Variants in IGF1 observed in about 807,000 individuals in gnomAD.
IGF1 encodes the protein insulin like growth factor 1, also known as insulin-like growth factor 1.
In IGF1, 4 loss-of-function variants were observed where a neutral mutation model predicts 13.8. That is an observed-to-expected ratio of 0.29 (90% CI 0.14 to 0.66). The LOEUF (loss-of-function observed/expected upper bound fraction) is 0.66. IGF1 is among the 30% of genes least tolerant of loss of function. The pLI is 0.78. For missense variants in IGF1, 124 were observed against 188.5 expected (o/e 0.66, Z 2.00); for synonymous variants, 76 against 72.6 (o/e 1.05, Z -0.23).
intron 2 of IGF1, among the ~76,000 whole-genome samples, chr12:102,450,735 A>G (rs1878848635): frequency 6.6e-6 from 1 of 152,236 alleles, no homozygotes; most frequent in African/African-American, 2.4e-5. Flanking sequence ...CTGTTTGTCA[A>G]TACAATAATA....
At chr12:102,434,332 A>G in intron 2 of IGF1, among the ~76,000 whole-genome samples, 1 of 131,130 alleles carries the variant, frequency 7.6e-6, no homozygotes. Context: ...CCAGAGTGTG[A>G]TGTTCCCCTT....
chr12:102,420,171 A>G (rs1875575271), intron 2 of IGF1, among the ~76,000 whole-genome samples: 1 of 152,192 alleles, frequency 6.6e-6, no homozygotes, highest in Admixed American at 6.5e-5. Context: ...AAGTTTGGAA[A>G]GGGCTCCTCA....
chr12:102,478,650 G>T, intron 1 of IGF1: 1 of 1,402,056 alleles, frequency 7.1e-7, no homozygotes, highest in South Asian at 1.9e-5. Context: ...AGGCAGGTAT[G>T]CTATTATGAG....
Position 102,441,918 on chromosome 12 carries a change from T to G in IGF1, c.221-22228A>C, listed in dbSNP as rs12809983. On this transcript the variant is annotated intron_variant, in intron 2 of 3. Coordinates refer to ENST00000337514, the MANE Select transcript of IGF1 (RefSeq NM_000618.5). ...ATTCTATTACACTGCTTCTTCTCCT[T>G]CTTCTTCTTCTTCTTCTTCTTCTTC... Among the ~76,000 whole-genome samples the G allele has an allele frequency of 3.9e-3, 322 of 83,002 alleles. 11 individuals carry two copies. The highest frequency in any genetic ancestry group is 9.0e-3 in the African/African-American group (188 of 20,996). The allele number at this position is 83,002 out of a possible 152,430, so 54.5% of individuals were successfully genotyped here. A position where few individuals can be genotyped will look rare whatever the true frequency, so the allele number is the denominator to read the frequency against.
chr12:102,405,458 C>A (rs5742694), intron 3 of IGF1, among the ~76,000 whole-genome samples: 116,300 of 151,746 alleles, frequency 0.77, 44,629 homozygotes, highest in Admixed American at 0.83. Context: ...GAATAGCATC[C>A]CTAATGTTCC....
intron 2 of IGF1, among the ~76,000 whole-genome samples, chr12:102,450,530 A>G (rs1228512816): frequency 6.6e-6 from 1 of 152,236 alleles, no homozygotes; most frequent in Non-Finnish European, 1.5e-5. Context: ...CTGCATTTCC[A>G]GATTTTTCAA....
At chr12:102,405,856 G>A (rs1874109646) in intron 3 of IGF1, among the ~76,000 whole-genome samples, 1 of 152,178 alleles carries the variant, frequency 6.6e-6, no homozygotes, top group Non-Finnish European at 1.5e-5. Context: ...TTAGCGGGGG[G>A]CTATAGCAAA....
intron 2 of IGF1, among the ~76,000 whole-genome samples, chr12:102,447,361 A>T (rs534995335): frequency 9.9e-5 from 15 of 152,272 alleles, no homozygotes; most frequent in African/African-American, 3.6e-4. Flanking sequence ...TGGGACTCTA[A>T]GTCTCTTTGT....
chr12:102,441,915 C>CTTCTTCTTCTTCTTCTTCTTCTTTT (rs1555244052), intron 2 of IGF1, among the ~76,000 whole-genome samples: 1 of 122,140 alleles, frequency 8.2e-6, no homozygotes, highest in Non-Finnish European at 1.7e-5. Context: ...TGCTTCTTCT[C>CTTCTTCTTCTTCTTCTTCTTCTTTT]CTTCTTCTTC....
intron 3 of IGF1, among the ~76,000 whole-genome samples, chr12:102,409,658 GTCTA>G (rs1175580772): frequency 1.3e-5 from 2 of 152,126 alleles, no homozygotes; most frequent in Non-Finnish European, 2.9e-5. Flanking sequence ...GCACACTGTG[GTCTA>G]TCTATCTCGG....
chr12:102,479,204 A>G (rs1444815051), intron 1 of IGF1, among the ~76,000 whole-genome samples: 2 of 152,228 alleles, frequency 1.3e-5, no homozygotes, highest in Non-Finnish European at 2.9e-5. Context: ...TTGGCATCTC[A>G]GGAACAGCAG....
At chr12:102,443,098 C>T (rs778552652) in intron 2 of IGF1, among the ~76,000 whole-genome samples, 13 of 151,858 alleles carry the variant, frequency 8.6e-5, no homozygotes, top group Non-Finnish European at 1.9e-4. Context: ...AGTGGTAGAA[C>T]GTAAGGAGCT....
At chr12:102,454,774 G>C (rs1879253444) in intron 2 of IGF1, among the ~76,000 whole-genome samples, 1 of 152,330 alleles carries the variant, frequency 6.6e-6, no homozygotes, top group South Asian at 2.1e-4. Context: ...CTGTTGGATA[G>C]AGCCCCAAAT....
At chr12:102,428,236 G>GTGTATATATATATATATATATATATATA (rs371640003) in intron 2 of IGF1, among the ~76,000 whole-genome samples, 2 of 69,482 alleles carry the variant, frequency 2.9e-5, no homozygotes, top group Non-Finnish European at 6.5e-5. Context: ...TCAATAATGT[G>GTGTATATATATATATATATATATATATA]TATATATATA....
At chr12:102,479,713 A>G (rs1019291443) in intron 1 of IGF1, among the ~76,000 whole-genome samples, 1 of 152,236 alleles carries the variant, frequency 6.6e-6, no homozygotes, top group African/African-American at 2.4e-5. Context: ...AGAGTTGTCA[A>G]GGAGTTCTTT....
In IGF1 at chr12:102,459,196, G is replaced by C. The variant is rs556037369; in HGVS notation, c.220+16447C>G. On this transcript the variant is annotated intron_variant, in intron 2 of 3. Transcript: ENST00000337514. ...AGATTGCCAGTTTGTGAGCTCTGCTGTAGGGATACATTAAGAAAGTCAGAT... is the reference window on the plus strand; with the variant it reads ...AGATTGCCAGTTTGTGAGCTCTGCTCTAGGGATACATTAAGAAAGTCAGAT... Among the ~76,000 whole-genome samples, 52 of 152,324 alleles carry C rather than the reference G, an allele frequency of 3.4e-4. No homozygotes were observed. In the South Asian group the frequency reaches 0.01, roughly 30 times the overall value.
rs536666389 is a variant in IGF1, at chr12:102,402,549, G to A, written c.420C>T (p.Asn140=). 17 of 780,732 alleles carry A rather than the reference G, an allele frequency of 2.2e-5. No individual in the cohort carries two copies. Among genetic ancestry groups the A allele is most frequent in the African/African-American group, 8.4e-5 (5 of 59,192 alleles). 48.4% of individuals were successfully genotyped at this position (780,732 alleles called of 1,614,324 possible). Residue 140 remains asparagine (N), a synonymous_variant, in exon 4 of 4, where the codon AAC becomes AAT. Transcript: ENST00000337514. ...TGTTTCCTGCACTCCCTCTACTTGC[G>A]TTCTTCAAATGTACTTCCTATAAAT... ...PKTQKEVHLK[N]ASRGSAGNKN...
chr12:102,442,097 G>T (rs1006648359), intron 2 of IGF1, among the ~76,000 whole-genome samples: 5 of 151,710 alleles, frequency 3.3e-5, no homozygotes, highest in Non-Finnish European at 7.4e-5. Context: ...CTGCAGGCAT[G>T]CATTACCATG....
intron 2 of IGF1, among the ~76,000 whole-genome samples, chr12:102,465,695 G>T (rs558967752): frequency 6.6e-6 from 1 of 152,200 alleles, no homozygotes; most frequent in African/African-American, 2.4e-5. Flanking sequence ...CCAGCACTTT[G>T]TGAGTCCAAG....
Sources: allele counts gnomAD v4.1 joint callset (sites outside exome capture counted in the v4.1 genomes callset), GRCh38; gene constraint gnomAD v4.1.1; transcripts MANE v1.5; gene names NCBI Gene and HGNC (gene_info 2026-07-23, HGNC 2026-07-21).